TAFA4: variants seen among roughly 807,000 people sequenced by gnomAD.
TAFA4 encodes the protein TAFA chemokine like family member 4.
A neutral mutation model predicts 21.1 loss-of-function variants in TAFA4; 20 were observed. That is an observed-to-expected ratio of 0.95 (90% CI 0.67 to 1.38). TAFA4 has a LOEUF of 1.38. Ranked by LOEUF, TAFA4 falls within the 40% of genes most tolerant of loss-of-function variation. The pLI, the probability that TAFA4 is intolerant of heterozygous loss-of-function variation, is 0.00. For synonymous variants in TAFA4, 71 were observed against 67.4 expected (o/e 1.05, Z -0.26); for missense variants, 211 against 180.9 (o/e 1.17, Z -0.95).
intron 3 of TAFA4, among the ~76,000 whole-genome samples, chr3:68,805,528 C>G (rs985567643): frequency 6.6e-6 from 1 of 152,180 alleles, no homozygotes; most frequent in African/African-American, 2.4e-5. Flanking sequence ...CGGCACTATT[C>G]ACAATAGCAA....
chr3:68,880,457 C>G (rs112964785), intron 3 of TAFA4, among the ~76,000 whole-genome samples: 1 of 152,088 alleles, frequency 6.6e-6, no homozygotes, highest in African/African-American at 2.4e-5. Flanking sequence ...ACACAAATTG[C>G]TGATGGTTTT....
rs544978738 is a variant in TAFA4 at position 68,923,271 on chromosome 3, A to G, written c.-123+8969T>C. 1.6e-4 allele frequency among the ~76,000 whole-genome samples: 25 copies of G among 152,320 alleles called. No homozygotes were observed. In the South Asian group the frequency reaches 4.8e-3, roughly 29 times the overall value. ...ATAATGAATAAACATGGGGTGCTTAAAAAGGACTGAGGCACCACAAAACTG... is the reference window on the plus strand; with the variant it reads ...ATAATGAATAAACATGGGGTGCTTAGAAAGGACTGAGGCACCACAAAACTG... On this transcript the variant is annotated intron_variant, in intron 1 of 5. Coordinates refer to ENST00000295569, the MANE Select transcript of TAFA4 (RefSeq NM_182522.5).
chr3:68,913,858 C>T (rs2089981826), intron 1 of TAFA4, among the ~76,000 whole-genome samples: 1 of 152,172 alleles, frequency 6.6e-6, no homozygotes, highest in Non-Finnish European at 1.5e-5. Context: ...GTTTCCTCAC[C>T]TATAAAATGA....
intron 3 of TAFA4, among the ~76,000 whole-genome samples, chr3:68,819,512 GA>G (rs1704069091): frequency 6.6e-6 from 1 of 152,036 alleles, no homozygotes; most frequent in South Asian, 2.1e-4. Context: ...CTATTGTTCT[GA>G]AGGAAGAGAC....
intron 3 of TAFA4, among the ~76,000 whole-genome samples, chr3:68,835,604 A>T (rs6781504): frequency 0.7 from 107,150 of 152,134 alleles, 38,091 homozygotes; most frequent in East Asian, 0.86. Context: ...GGAGCAGAGA[A>T]AGATGTTTTT....
In TAFA4 at chr3:68,907,499, C is replaced by T. The variant is rs143489558; in HGVS notation, c.-122-22189G>A. 2.1e-3 allele frequency among the ~76,000 whole-genome samples: 319 copies of T among 152,280 alleles called. 1 individual carries two copies. Among genetic ancestry groups the T allele is most frequent in the African/African-American group, 7.4e-3 (308 of 41,548 alleles). On this transcript the variant is annotated intron_variant, in intron 1 of 5. Coordinates refer to ENST00000295569, the MANE Select transcript of TAFA4 (RefSeq NM_182522.5). ...GCTCAGGGCAAGGAGAACAACAAGA[C>T]GACATAGGTCTGACGCCTGGAGAGG...
At chr3:68,743,596 GTTAA>G (rs1702398957) in intron 4 of TAFA4, among the ~76,000 whole-genome samples, 1 of 146,048 alleles carries the variant, frequency 6.8e-6, no homozygotes, top group African/African-American at 2.6e-5. Context: ...AAAAGAAAAA[GTTAA>G]GTTATATTCT....
chr3:68,749,911 TATATATCATCACATATAG>T (rs1435757602), intron 4 of TAFA4, among the ~76,000 whole-genome samples: 7 of 152,236 alleles, frequency 4.6e-5, no homozygotes, highest in African/African-American at 1.7e-4. Flanking sequence ...ACACTGGACA[TATATATCATCACATATAG>T]ATATCTATCT....
chr3:68,893,961 C>T (rs942944394), intron 1 of TAFA4, among the ~76,000 whole-genome samples: 1 of 151,994 alleles, frequency 6.6e-6, no homozygotes, highest in Non-Finnish European at 1.5e-5. Flanking sequence ...AAATAGAATG[C>T]AAACTATCCT....
In TAFA4 at chr3:68,752,922, C is replaced by G. The variant is rs775162025; in HGVS notation, c.227G>C (p.Cys76Ser). The G allele has an allele frequency of 5.6e-6, 9 of 1,614,092 alleles. No homozygotes were observed. The Admixed American group carries it at 1.5e-4, about 27-fold the overall frequency. ...RIEERSQTVK[C>S]SCFPGQVAGT... is the part of the protein sequence containing the mutation. ...CGCCACCTGTCCCGGGAAGCAAGAG[C>G]ACTTGACCGTTTGTGACCGCTCTTC... Residue 76 changes from cysteine to serine, a missense_variant, in exon 4 of 6, where the codon TGC becomes TCC. Transcript: ENST00000295569.
intron 3 of TAFA4, among the ~76,000 whole-genome samples, chr3:68,757,672 A>G (rs899685000): frequency 3.3e-5 from 5 of 152,206 alleles, no homozygotes; most frequent in African/African-American, 9.6e-5. Context: ...GAACTGGGCC[A>G]CAGTGCCCTG....
chr3:68,811,751 C>T (rs567726881), intron 3 of TAFA4, among the ~76,000 whole-genome samples: 1 of 152,300 alleles, frequency 6.6e-6, no homozygotes, highest in Non-Finnish European at 1.5e-5. Flanking sequence ...AAACATTCTG[C>T]AGGATATTAC....
chr3:68,831,433 C>T (rs1162328177), intron 3 of TAFA4, among the ~76,000 whole-genome samples: 1 of 152,140 alleles, frequency 6.6e-6, no homozygotes, highest in East Asian at 1.9e-4. Context: ...TTTTATTTCT[C>T]CTTCACTTAT....
intron 1 of TAFA4, among the ~76,000 whole-genome samples, chr3:68,900,240 TTAATAATAA>T (rs3048092): frequency 0.094 from 12,534 of 132,692 alleles, 730 homozygotes; most frequent in East Asian, 0.14. Flanking sequence ...AGACTCTCTC[TTAATAATAA>T]TAATAATAAT....
Position 68,784,819 on chromosome 3 carries a change from A to G in TAFA4, c.131-31801T>C, listed in dbSNP as rs558570417. Among the ~76,000 whole-genome samples the G allele has an allele frequency of 6.6e-5, 10 of 152,266 alleles. No individual in the cohort carries two copies. The South Asian group carries it at 1.9e-3, about 28-fold the overall frequency. ...TGACAGGGCGCTGATTGGTGCGTTT[A>G]CAACCCCTGAGCTAGACACAAAGGT... On this transcript the variant is annotated intron_variant, in intron 3 of 5. Coordinates refer to ENST00000295569, the MANE Select transcript of TAFA4 (RefSeq NM_182522.5).
At chr3:68,746,124 G>C (rs541034829) in intron 4 of TAFA4, among the ~76,000 whole-genome samples, 14 of 152,208 alleles carry the variant, frequency 9.2e-5, no homozygotes, top group African/African-American at 3.4e-4. Flanking sequence ...TGGACTCTTG[G>C]AGTTACACCA....
At chr3:68,930,259 G>A (rs1477147169) in intron 1 of TAFA4, among the ~76,000 whole-genome samples, 1 of 151,136 alleles carries the variant, frequency 6.6e-6, no homozygotes, top group Non-Finnish European at 1.5e-5. Context: ...ATATAAAAAT[G>A]GTTGCCTTCA....
intron 3 of TAFA4, among the ~76,000 whole-genome samples, chr3:68,797,020 G>C (rs1355850595): frequency 1.3e-5 from 2 of 152,162 alleles, no homozygotes; most frequent in African/African-American, 4.8e-5. Context: ...AGGATGTGGA[G>C]AAAACAGAAC....
intron 3 of TAFA4, among the ~76,000 whole-genome samples, chr3:68,805,746 A>C (rs1240895204): frequency 2.0e-5 from 3 of 151,514 alleles, no homozygotes; most frequent in South Asian, 2.1e-4. Flanking sequence ...ATAGGTGGGA[A>C]TTGAACAATG....
Sources: allele counts gnomAD v4.1 joint callset (sites outside exome capture counted in the v4.1 genomes callset), GRCh38; gene constraint gnomAD v4.1.1; transcripts MANE v1.5; gene names NCBI Gene and HGNC (gene_info 2026-07-23, HGNC 2026-07-21).